The following SENP5 variants were observed in gnomAD, a reference collection of about 807,000 sequenced individuals.
SENP5 encodes SUMO specific peptidase 5.
In SENP5, 21 loss-of-function variants were observed where a neutral mutation model predicts 74.2. The ratio of observed to expected loss-of-function variants is 0.28; its 90% CI spans 0.20 to 0.41. The LOEUF (loss-of-function observed/expected upper bound fraction) is 0.41. Ranked by LOEUF, SENP5 falls within the 10% of genes least tolerant of loss-of-function variation. The pLI is 1.00. For synonymous variants in SENP5, 311 were observed against 312.7 expected (o/e 0.99, Z 0.06); for missense variants, 717 against 889.1 (o/e 0.81, Z 2.46).
chr3:196,903,415 A>C, intron 5 of SENP5, 118 bp from the exon 6 acceptor site: 1 of 575,958 alleles, frequency 1.7e-6, no homozygotes, highest in South Asian at 3.2e-5. Context: ...TTTATGAAGA[A>C]ATTTTTCCTT....
intron 5 of SENP5, among the ~76,000 whole-genome samples, chr3:196,900,926 T>C (rs935689851): frequency 6.6e-6 from 1 of 151,864 alleles, no homozygotes; most frequent in African/African-American, 2.4e-5. Context: ...CACTGTGCAA[T>C]TGTTTTCCTA....
intron 1 of SENP5, among the ~76,000 whole-genome samples, chr3:196,869,246 C>G (rs142895538): frequency 5.9e-5 from 9 of 152,044 alleles, no homozygotes; most frequent in South Asian, 2.1e-4. Flanking sequence ...TGACACCCAG[C>G]CTGGAGTGCA....
chr3:196,930,002 A>C (rs202139794), intron 9 of SENP5, among the ~76,000 whole-genome samples: 4 of 152,230 alleles, frequency 2.6e-5, no homozygotes, highest in East Asian at 1.9e-4. Flanking sequence ...AAAAAAAAAA[A>C]AAAACATTGG....
At position 196,878,469 on chromosome 3, in the gene SENP5, CT is replaced by C. The variant is rs1166954009; in HGVS notation, c.-31-6675del. Among the ~76,000 whole-genome samples, 10 of 152,286 alleles carry C rather than the reference CT, an allele frequency of 6.6e-5. No individual in the cohort carries two copies. The East Asian group carries it at 1.7e-3, about 26-fold the overall frequency. On this transcript the variant is annotated intron_variant, in intron 1 of 9. Transcript: ENST00000323460. ...ATATGCTGAAGGTAGAAACCTCTAG[CT>C]TTTTTTCCTGACATAGTTCTCAGAA... is the stretch of plus-strand genomic sequence containing the variant.
chr3:196,877,624 T>C (rs563272078), intron 1 of SENP5, among the ~76,000 whole-genome samples: 3 of 152,232 alleles, frequency 2.0e-5, no homozygotes, highest in Non-Finnish European at 4.4e-5. Context: ...TTGCAAAGAT[T>C]ATGATATCAT....
intron 1 of SENP5, among the ~76,000 whole-genome samples, chr3:196,872,248 A>T (rs1357052059): frequency 6.6e-6 from 1 of 152,244 alleles, no homozygotes; most frequent in Non-Finnish European, 1.5e-5. Flanking sequence ...ATATTTGGTC[A>T]GTATGAACAT....
At chr3:196,901,265 G>A (rs144354905) in intron 5 of SENP5, among the ~76,000 whole-genome samples, 15 of 151,498 alleles carry the variant, frequency 9.9e-5, no homozygotes, top group South Asian at 2.1e-4. Context: ...GGCTGGTCTC[G>A]AACTCCTGAC....
chr3:196,927,654 A>AC (rs1715863899), intron 7 of SENP5, 142 bp from the exon 8 acceptor site: 4 of 533,446 alleles, frequency 7.5e-6, no homozygotes, highest in East Asian at 6.1e-5. Context: ...AAAAAAAAAA[A>AC]AATTGTTCCA....
chr3:196,917,243 GAAGA>G (rs1288795664), intron 6 of SENP5, among the ~76,000 whole-genome samples: 3 of 151,928 alleles, frequency 2.0e-5, no homozygotes, highest in South Asian at 2.1e-4. Context: ...TGATCAAGCA[GAAGA>G]AAGAATTAGT....
intron 2 of SENP5, among the ~76,000 whole-genome samples, chr3:196,889,790 T>G (rs1323854879): frequency 3.3e-5 from 5 of 152,232 alleles, no homozygotes; most frequent in Admixed American, 6.5e-5. Flanking sequence ...AGAGGGAAGG[T>G]CCAGGCGGGC....
intron 2 of SENP5, among the ~76,000 whole-genome samples, chr3:196,897,363 C>T (rs1391534243): frequency 1.3e-5 from 2 of 152,070 alleles, no homozygotes; most frequent in Non-Finnish European, 2.9e-5. Flanking sequence ...GATTAGAAGC[C>T]CCAAATCTTT....
chr3:196,877,135 C>G (rs949403959), intron 1 of SENP5, among the ~76,000 whole-genome samples: 2 of 152,080 alleles, frequency 1.3e-5, no homozygotes, highest in Non-Finnish European at 2.9e-5. Context: ...GTCTGGGCAA[C>G]ATAGTGAGAC....
chr3:196,917,372 T>G (rs954828270), intron 6 of SENP5, among the ~76,000 whole-genome samples: 5 of 146,996 alleles, frequency 3.4e-5, no homozygotes, highest in Non-Finnish European at 7.5e-5. Flanking sequence ...AAAGAGGAGG[T>G]AGAGAGAGAG....
At chr3:196,930,757 G>C in intron 9 of SENP5, 56 bp from the exon 10 acceptor site, 1 of 1,079,952 alleles carries the variant, frequency 9.3e-7, no homozygotes, top group Non-Finnish European at 1.4e-6. Context: ...AACAGAATGG[G>C]CTGGTCCACA....
intron 1 of SENP5, among the ~76,000 whole-genome samples, chr3:196,879,415 A>G (rs1229539889): frequency 1.3e-5 from 2 of 152,156 alleles, no homozygotes; most frequent in Non-Finnish European, 2.9e-5. Flanking sequence ...TGTACCTACT[A>G]CTAACTGCAA....
chr3:196,883,644 G>A (rs994410059), intron 1 of SENP5, among the ~76,000 whole-genome samples: 3 of 151,828 alleles, frequency 2.0e-5, no homozygotes, highest in Non-Finnish European at 2.9e-5. Context: ...ATAGGTATAT[G>A]TTGCCTCTGC....
intron 6 of SENP5, among the ~76,000 whole-genome samples, chr3:196,922,926 A>AT (rs1286164055): frequency 1.3e-5 from 2 of 151,682 alleles, no homozygotes; most frequent in Non-Finnish European, 2.9e-5. Flanking sequence ...CTGATTTTTT[A>AT]TTTTTTTGTA....
intron 5 of SENP5, among the ~76,000 whole-genome samples, chr3:196,902,593 A>T (rs1714742156): frequency 6.6e-6 from 1 of 152,218 alleles, no homozygotes. Flanking sequence ...ACAAGTTCCT[A>T]GATGATGCTG....
chr3:196,873,990 A>G (rs952049479), intron 1 of SENP5, among the ~76,000 whole-genome samples: 2 of 151,852 alleles, frequency 1.3e-5, no homozygotes, highest in African/African-American at 4.8e-5. Context: ...GACATGCACC[A>G]TGGTGCCTGG....
Sources: gnomAD v4.1 joint callset for allele counts (sites outside exome capture counted in the v4.1 genomes callset) on GRCh38, gnomAD v4.1.1 for gene constraint, MANE v1.5 for transcripts, NCBI Gene and HGNC (gene_info 2026-07-23, HGNC 2026-07-21) for gene names.